Variants in MYCBPAP observed in about 807,000 individuals in gnomAD.
MYCBPAP encodes the protein MYCBP-associated protein.
Under a neutral mutation model 106.1 loss-of-function variants are expected in MYCBPAP, and 60 were observed. The observed-to-expected ratio is 0.57, with a 90% CI of 0.46 to 0.70. MYCBPAP has a LOEUF of 0.70. Ranked by LOEUF, MYCBPAP falls within the 30% of genes least tolerant of loss-of-function variation. The pLI is 0.00. For missense variants in MYCBPAP, 1,064 were observed against 1,169.3 expected (o/e 0.91, Z 1.31); for synonymous variants, 407 against 440.6 (o/e 0.92, Z 0.95).
chr17:50,522,814 C>T, intron 10 of MYCBPAP, 125 bp from the exon 11 acceptor site: 1 of 870,548 alleles, frequency 1.1e-6, no homozygotes, highest in South Asian at 1.9e-5. Flanking sequence ...AGTGGCCAAG[C>T]CCTGGAGGCC....
At chr17:50,513,106 T>A (rs1597821036) in intron 1 of MYCBPAP, among the ~76,000 whole-genome samples, 1 of 150,242 alleles carries the variant, frequency 6.7e-6, no homozygotes, top group East Asian at 2.0e-4. Flanking sequence ...TAATCCCAAC[T>A]ACTTGGGAGG....
At chr17:50,523,954 A>G (rs538965640) in intron 12 of MYCBPAP, among the ~76,000 whole-genome samples, 170 bp downstream of exon 12, 1 of 152,362 alleles carries the variant, frequency 6.6e-6, no homozygotes, top group East Asian at 1.9e-4. Context: ...CTTGTGATTT[A>G]AAAGATGGGT....
chr17:50,519,440 T>C (rs1349668427), intron 6 of MYCBPAP, 200 bp from the exon 7 acceptor site: 1 of 655,940 alleles, frequency 1.5e-6, no homozygotes, highest in Non-Finnish European at 2.6e-6. Flanking sequence ...ACCCACACCA[T>C]CTGGCTGGGG....
intron 5 of MYCBPAP, 69 bp from the exon 6 acceptor site, chr17:50,518,905 A>G (rs989790660): frequency 1.9e-5 from 28 of 1,504,452 alleles, no homozygotes; most frequent in Non-Finnish European, 2.6e-5. Context: ...AGGCTGCCCG[A>G]TGCAGACTGC....
chr17:50,527,268 G>A lies in MYCBPAP; in HGVS notation c.2170-19G>A. 2 of 1,613,676 alleles carry A rather than the reference G, an allele frequency of 1.2e-6. No homozygotes were observed. The highest frequency in any genetic ancestry group is 2.2e-5 in the East Asian group (1 of 44,868). On this transcript the variant is annotated intron_variant, in intron 14 of 18. Transcript: ENST00000323776. ...AGCCTTGGTGTCCTGGTGCAGAATG[G>A]TGCCCATGACCCTGCCAGGCAGTGA...
Position 50,519,672 on chromosome 17 carries a change from G to A in MYCBPAP, c.801G>A (p.Leu267=). ...SWENSGFWSR[L]EYLGDEMTGL... is the part of the protein sequence containing the mutation. The stretch of plus-strand genomic sequence containing the variant: ...AGAACAGTGGGTTCTGGAGTCGACT[G>A]GAATACTTGGGAGATGAGATGACAG... Residue 267 remains leucine (L), a synonymous_variant, in exon 7 of 19, where the codon CTG becomes CTA. Transcript: ENST00000323776. 1 of 1,614,096 alleles carries A rather than the reference G, an allele frequency of 6.2e-7. No homozygotes were observed. The highest frequency in any genetic ancestry group is 2.2e-5 in the East Asian group (1 of 44,882).
At position 50,518,917 on chromosome 17, in the gene MYCBPAP, A is replaced by G; in HGVS notation, c.653-57A>G. The G allele has an allele frequency of 2.6e-6, 4 of 1,540,194 alleles. No individual in the cohort carries two copies. The South Asian group carries it at 4.5e-5, about 17-fold the overall frequency. On this transcript the variant is annotated intron_variant, in intron 5 of 18. Transcript: ENST00000323776. ...GGGAGGCTGCCCGATGCAGACTGCCAAGGCCCCTGTTTGTTCTGGTTCGGC... is the reference window on the plus strand; with the variant it reads ...GGGAGGCTGCCCGATGCAGACTGCCGAGGCCCCTGTTTGTTCTGGTTCGGC...
chr17:50,527,499 C>A (rs2034500128), intron 15 of MYCBPAP, 91 bp downstream of exon 15: 2 of 1,531,522 alleles, frequency 1.3e-6, no homozygotes, highest in Non-Finnish European at 1.8e-6. Context: ...CTCCAGGGGT[C>A]TGAGCTTCCG....
In MYCBPAP at chr17:50,521,317, A is replaced by C; in HGVS notation, c.1034A>C (p.Asp345Ala). 6.2e-7 allele frequency: 1 copy of C among 1,600,548 alleles called. No individual in the cohort carries two copies. Among genetic ancestry groups the C allele is most frequent in the African/African-American group, 1.3e-5 (1 of 74,774 alleles). The change falls in exon 9 of 19, where the codon GAT becomes GCT. Residue 345 changes from aspartate (D) to alanine (A), a missense_variant and splice_region_variant. Coordinates refer to ENST00000323776, the MANE Select transcript of MYCBPAP (RefSeq NM_032133.6). ...IMEELDFSQQ[D>A]IDGLEVVGKG... ...CTTACCTTTCTCCATCTCTCGGAGGATATTGATGGCCTGGAGGTGGTGGGC... is the reference window on the plus strand; with the variant it reads ...CTTACCTTTCTCCATCTCTCGGAGGCTATTGATGGCCTGGAGGTGGTGGGC...
At chr17:50,528,982 C>A (rs754728965) in intron 17 of MYCBPAP, 36 bp from the exon 18 acceptor site, 9 of 1,604,596 alleles carry the variant, frequency 5.6e-6, no homozygotes, top group Non-Finnish European at 7.7e-6. Context: ...ACCTCTGGAG[C>A]TCCTGAAGGC....
chr17:50,518,518 C>A, intron 4 of MYCBPAP, 23 bp from the exon 5 acceptor site: 5 of 1,537,922 alleles, frequency 3.3e-6, no homozygotes, highest in Non-Finnish European at 4.4e-6. Context: ...CTGCCCTCCA[C>A]ATACCTATGT....
chr17:50,523,393 G>T (rs896054531), intron 11 of MYCBPAP, among the ~76,000 whole-genome samples: 22 of 152,166 alleles, frequency 1.4e-4, no homozygotes, highest in African/African-American at 5.1e-4. Context: ...ACAGGCCTGG[G>T]GCTAGGATGG....
At chr17:50,516,465 C>T (rs945997898) in intron 1 of MYCBPAP, 105 bp from the exon 2 acceptor site, 64 of 1,344,326 alleles carry the variant, frequency 4.8e-5, no homozygotes, top group Non-Finnish European at 6.0e-5. Context: ...CTCTGCCCCC[C>T]ACCATGGAGT....
intron 7 of MYCBPAP, 83 bp from the exon 8 acceptor site, chr17:50,521,027 G>T: frequency 9.4e-7 from 1 of 1,063,912 alleles, no homozygotes. Context: ...TGTTGGGATA[G>T]GCACTCTCAG....
intron 5 of MYCBPAP, 43 bp downstream of exon 5, chr17:50,518,767 A>G: frequency 6.4e-7 from 1 of 1,552,362 alleles, no homozygotes; most frequent in Non-Finnish European, 8.7e-7. Flanking sequence ...TCCATCTGGC[A>G]GCAAGGCTCT....
rs1445805573 is a variant in MYCBPAP at position 50,510,767 on chromosome 17, C to T, written c.76+2017C>T. On this transcript the variant is annotated intron_variant, in intron 1 of 18. Transcript: ENST00000323776. ...AACTCCTGGGCTCAAGCGATCCTCC[C>T]ACCTTGGCCTCCCAAAGTGCTGGGA... is the stretch of plus-strand genomic sequence containing the variant. 2.7e-5 allele frequency among the ~76,000 whole-genome samples: 4 copies of T among 149,442 alleles called. 1 individual carries two copies. The Middle Eastern group carries it at 0.01, about 381-fold the overall frequency.
At chr17:50,514,178 T>TG (rs2033960463) in intron 1 of MYCBPAP, among the ~76,000 whole-genome samples, 1 of 152,214 alleles carries the variant, frequency 6.6e-6, no homozygotes, top group African/African-American at 2.4e-5. Flanking sequence ...CGTAAGCCAC[T>TG]GCACCTGGCC....
intron 18 of MYCBPAP, 172 bp downstream of exon 18, chr17:50,529,360 TAGGTGATG>T: frequency 1.6e-6 from 1 of 634,062 alleles, no homozygotes; most frequent in African/African-American, 1.8e-5. Context: ...CCTAGCATGT[TAGGTGATG>T]AGTACGACGG....
chr17:50,514,326 C>T (rs1230636174), intron 1 of MYCBPAP, among the ~76,000 whole-genome samples: 1 of 152,184 alleles, frequency 6.6e-6, no homozygotes, highest in Non-Finnish European at 1.5e-5. Flanking sequence ...GATATTGCCT[C>T]TTAAAGATTA....
Sources: gnomAD v4.1 joint callset for allele counts (sites outside exome capture counted in the v4.1 genomes callset) on GRCh38, gnomAD v4.1.1 for gene constraint, MANE v1.5 for transcripts, NCBI Gene and HGNC (gene_info 2026-07-23, HGNC 2026-07-21) for gene names.